Variants in ANO1 observed in about 807,000 individuals in gnomAD.
ANO1 encodes the protein anoctamin-1.
Under a neutral mutation model 124.0 loss-of-function variants are expected in ANO1, and 59 were observed. That is an observed-to-expected ratio of 0.48 (90% CI 0.39 to 0.59). The LOEUF (loss-of-function observed/expected upper bound fraction) is 0.59. ANO1 is among the 20% of genes least tolerant of loss of function. The pLI, the probability that ANO1 is intolerant of heterozygous loss-of-function variation, is 0.00. For missense variants in ANO1, 1,059 were observed against 1,328.0 expected (o/e 0.80, Z 3.15); for synonymous variants, 529 against 532.0 (o/e 0.99, Z 0.08).
the ANO1 span, among the ~76,000 whole-genome samples, chr11:69,972,906 C>G: frequency 1.1e-5 from 1 of 90,254 alleles, no homozygotes; most frequent in East Asian, 4.7e-4. Context: ...TTTTACTTTT[C>G]TTTTTCTTTC....
chr11:70,046,977 G>A (rs1196835455), intron 1 of ANO1, among the ~76,000 whole-genome samples: 1 of 151,838 alleles, frequency 6.6e-6, no homozygotes, highest in African/African-American at 2.4e-5. Context: ...CTACTCGGGA[G>A]GCTGAGGCAG....
chr11:70,016,639 G>T (rs1274890090), intron 1 of ANO1, among the ~76,000 whole-genome samples: 2 of 152,200 alleles, frequency 1.3e-5, no homozygotes, highest in African/African-American at 4.8e-5. Context: ...GGGAGCGCGG[G>T]GCATGCATTT....
At chr11:69,976,304 T>C in the ANO1 span, among the ~76,000 whole-genome samples, 1 of 151,928 alleles carries the variant, frequency 6.6e-6, no homozygotes, top group Admixed American at 6.6e-5. Context: ...GGTCAGGAGT[T>C]CGAGACCATC....
At chr11:70,088,906 C>T (rs1027853746) in intron 2 of ANO1, among the ~76,000 whole-genome samples, 4 of 152,218 alleles carry the variant, frequency 2.6e-5, no homozygotes, top group African/African-American at 9.7e-5. Flanking sequence ...TGCTCCCTAG[C>T]AAAGCCTACG....
chr11:69,986,031 C>T (rs1591016175), exon 1 of ANO1: 1 of 152,324 alleles, frequency 6.6e-6, no homozygotes, highest in East Asian at 2.0e-4. Context: ...CGCCGCAGAC[C>T]TCCAGGGGTG....
At chr11:70,005,266 C>A (rs1856465987) in intron 1 of ANO1, among the ~76,000 whole-genome samples, 1 of 152,162 alleles carries the variant, frequency 6.6e-6, no homozygotes, top group African/African-American at 2.4e-5. Context: ...AGATTGATAT[C>A]ATTTTCATTA....
chr11:70,070,343 G>A (rs541452916), intron 1 of ANO1, among the ~76,000 whole-genome samples: 134 of 152,276 alleles, frequency 8.8e-4, no homozygotes, highest in African/African-American at 3.1e-3. Context: ...GGATTCTATG[G>A]AGAAATACAA....
At chr11:70,019,005 A>C (rs1856749001) in intron 1 of ANO1, among the ~76,000 whole-genome samples, 1 of 152,232 alleles carries the variant, frequency 6.6e-6, no homozygotes, top group South Asian at 2.1e-4. Flanking sequence ...ATAAGTACGC[A>C]AAGTCCATGG....
chr11:69,974,909 AAG>A, the ANO1 span, among the ~76,000 whole-genome samples: 1 of 148,676 alleles, frequency 6.7e-6, no homozygotes, highest in Non-Finnish European at 1.5e-5. Context: ...AAAAAAAAAG[AAG>A]AGATTAGGAC....
intron 1 of ANO1, among the ~76,000 whole-genome samples, chr11:70,049,007 G>C (rs115736446): frequency 1.3e-5 from 2 of 152,162 alleles, no homozygotes; most frequent in Admixed American, 6.5e-5. Flanking sequence ...AGCAGGATGC[G>C]TTTTCTTCCT....
chr11:70,113,326 G>A (rs930175083), intron 7 of ANO1, among the ~76,000 whole-genome samples: 10 of 152,176 alleles, frequency 6.6e-5, no homozygotes, highest in African/African-American at 2.2e-4. Context: ...CTCAATAAAC[G>A]TGGTGTTGAT....
At chr11:70,185,433 G>A (rs914585729) in intron 24 of ANO1, among the ~76,000 whole-genome samples, 157 bp from the exon 25 acceptor site, 1 of 152,154 alleles carries the variant, frequency 6.6e-6, no homozygotes, top group African/African-American at 2.4e-5. Flanking sequence ...CCGTGGGTGC[G>A]GGGCCATGGG....
intron 1 of ANO1, among the ~76,000 whole-genome samples, chr11:70,043,249 C>T (rs1591053191): frequency 1.3e-5 from 2 of 151,958 alleles, no homozygotes. Flanking sequence ...AAAGGATCAA[C>T]AAAATTGAAG....
At chr11:70,137,812 T>TC (rs940254559) in intron 11 of ANO1, among the ~76,000 whole-genome samples, 12 of 147,416 alleles carry the variant, frequency 8.1e-5, no homozygotes, top group African/African-American at 2.9e-4. Context: ...GGAGACACAG[T>TC]CCCACCCCAC....
At position 70,019,237 on chromosome 11, in the gene ANO1, A is replaced by G. The variant is rs2375272; in HGVS notation, c.58+33071A>G. 8.7e-5 allele frequency among the ~76,000 whole-genome samples: 6 copies of G among 68,740 alleles called. 1 individual carries two copies. The highest frequency in any genetic ancestry group is 9.0e-4 in the South Asian group (2 of 2,226). The allele number at this position is 68,740 out of a possible 152,430, so 45.1% of individuals were successfully genotyped here. A position where few individuals can be genotyped will look rare whatever the true frequency, so the allele number is the denominator to read the frequency against. On this transcript the variant is annotated intron_variant, in intron 1 of 27. Transcript: ENST00000531349. ...TGGGATGCAGGGGAGGGAAAGAAGA[A>G]CCCCCCCACACACACACACACACAC...
intron 1 of ANO1, among the ~76,000 whole-genome samples, chr11:70,068,929 G>A (rs559195307): frequency 1.6e-4 from 24 of 152,314 alleles, no homozygotes; most frequent in African/African-American, 5.8e-4. Context: ...GTCACCAGCC[G>A]CTGCAGACTC....
intron 7 of ANO1, among the ~76,000 whole-genome samples, chr11:70,115,495 C>G (rs1199196182): frequency 6.6e-6 from 1 of 152,104 alleles, no homozygotes; most frequent in Non-Finnish European, 1.5e-5. Flanking sequence ...CACCCGTAGT[C>G]CCGGCTACTT....
rs547353673 is a variant in ANO1 at position 70,099,826 on chromosome 11, ACT to A, written c.442-3237_442-3236del. Reference sequence around the variant, plus strand: ...AATGTAGGCTCAGAGAGATTAAGTCACTCTGTGGAAACCACACAGGGGCAGGG... The same window carrying A: ...AATGTAGGCTCAGAGAGATTAAGTCACTGTGGAAACCACACAGGGGCAGGG... On this transcript the variant is annotated intron_variant, in intron 2 of 25. Coordinates refer to ENST00000355303, the MANE Select transcript of ANO1 (RefSeq NM_018043.7). Among the ~76,000 whole-genome samples, 141 of 152,096 alleles carry A rather than the reference ACT, an allele frequency of 9.3e-4. 1 individual carries two copies. The highest frequency in any genetic ancestry group is 1.0e-3 in the South Asian group (5 of 4,816).
intron 1 of ANO1, among the ~76,000 whole-genome samples, chr11:69,991,544 C>G (rs183778967): frequency 5.4e-4 from 82 of 152,314 alleles, no homozygotes; most frequent in African/African-American, 1.9e-3. Context: ...TGGGCAAGTA[C>G]CAGTTGTGAA....
Sources: allele counts gnomAD v4.1 joint callset (sites outside exome capture counted in the v4.1 genomes callset), GRCh38; gene constraint gnomAD v4.1.1; transcripts MANE v1.5; gene names NCBI Gene and HGNC (gene_info 2026-07-23, HGNC 2026-07-21).